GIMAP8: variants seen among roughly 807,000 people sequenced by gnomAD.
GIMAP8 encodes GTPase, IMAP family member 8.
A neutral mutation model predicts 35.6 loss-of-function variants in GIMAP8; 29 were observed. The ratio of observed to expected loss-of-function variants is 0.81; its 90% CI spans 0.61 to 1.11. The LOEUF (loss-of-function observed/expected upper bound fraction) is 1.11, where lower values mean the gene tolerates loss of function less well. GIMAP8 is among the 50% of genes most tolerant of loss of function. The pLI is 0.00. For missense variants in GIMAP8, 811 were observed against 805.0 expected (o/e 1.01, Z -0.09); for synonymous variants, 335 against 308.7 (o/e 1.09, Z -0.89).
In GIMAP8 at chr7:150,474,183, GCTT is replaced by G; in HGVS notation, c.858_860del (p.Phe286del). On this transcript the variant is annotated inframe_deletion, in exon 4 of 5. Transcript: ENST00000307271. ...TTTAGTGAGCAGTCAGTAACCCAGA[GCTT>G]CTTGTCTGAGAGCAGAAGCTGGAGA... is the stretch of plus-strand genomic sequence containing the variant. The G allele has an allele frequency of 1.2e-6, 2 of 1,614,208 alleles. No individual in the cohort carries two copies. The highest frequency in any genetic ancestry group is 1.1e-5 in the South Asian group (1 of 91,086).
intron 1 of GIMAP8, among the ~76,000 whole-genome samples, chr7:150,463,359 A>T (rs377756348): frequency 1.3e-5 from 2 of 151,568 alleles, no homozygotes; most frequent in East Asian, 3.9e-4. Context: ...TTTCTTTGGG[A>T]TCTGTTACTA....
chr7:150,456,004 A>T (rs1801723001), intron 1 of GIMAP8, among the ~76,000 whole-genome samples: 1 of 152,124 alleles, frequency 6.6e-6, no homozygotes. Context: ...CAGATATCAC[A>T]CTTCAATCCC....
chr7:150,473,348 A>G (rs764767568), intron 3 of GIMAP8, among the ~76,000 whole-genome samples: 1 of 151,904 alleles, frequency 6.6e-6, no homozygotes, highest in Non-Finnish European at 1.5e-5. Flanking sequence ...CTTTTTCTAT[A>G]TCTATACATA....
chr7:150,457,716 A>T (rs1006601633), intron 1 of GIMAP8, among the ~76,000 whole-genome samples: 1 of 152,334 alleles, frequency 6.6e-6, no homozygotes, highest in Middle Eastern at 3.4e-3. Flanking sequence ...CAAGCACATG[A>T]AAAAATGTAA....
chr7:150,464,585 G>A (rs1216057526), intron 1 of GIMAP8, among the ~76,000 whole-genome samples: 4 of 152,110 alleles, frequency 2.6e-5, no homozygotes, highest in African/African-American at 7.2e-5. Flanking sequence ...TCTGGAGGTC[G>A]AGGCAGGAGA....
Position 150,466,846 on chromosome 7 carries a change from C to G in GIMAP8, c.148C>G (p.Gln50Glu). Reference sequence around the variant, plus strand: ...TGATCAGACAGTGATCAAAATGTGCCAGAGAGAGAGTTGGGTCCTGAGAGA... The same window carrying G: ...TGATCAGACAGTGATCAAAATGTGCGAGAGAGAGAGTTGGGTCCTGAGAGA... ...FSDQTVIKMC[Q>E]RESWVLRERK... The change falls in exon 2 of 5, where the codon CAG (glutamine) becomes GAG (glutamate). Residue 50 changes from glutamine (Q) to glutamate (E), a missense_variant. Physicochemically the swap from Gln to Glu is conservative, Grantham distance 29. Transcript: ENST00000307271. 4.3e-6 allele frequency: 7 copies of G among 1,614,228 alleles called. No homozygotes were observed. The highest frequency in any genetic ancestry group is 5.9e-6 in the Non-Finnish European group (7 of 1,180,038).
At chr7:150,453,768 A>G (rs1801670595) in intron 1 of GIMAP8, among the ~76,000 whole-genome samples, 2 of 149,394 alleles carry the variant, frequency 1.3e-5, no homozygotes, top group Non-Finnish European at 3.0e-5. Context: ...CTAAATGCAG[A>G]TGTGAAGGGT....
chr7:150,475,373 A>G (rs1802205977), intron 4 of GIMAP8, among the ~76,000 whole-genome samples: 1 of 152,234 alleles, frequency 6.6e-6, no homozygotes, highest in Non-Finnish European at 1.5e-5. Flanking sequence ...TTGCTTCTCA[A>G]ATTGTACTGA....
rs77831689 is a variant in GIMAP8, at chr7:150,465,784, A to G, written c.-28-887A>G. On this transcript the variant is annotated intron_variant, in intron 1 of 4. Coordinates refer to ENST00000307271, the MANE Select transcript of GIMAP8 (RefSeq NM_175571.4). ...GAAGCCTTTGCAGGGAGAATATTAA[A>G]TCCAAGCAGCACTATCTATATACTG... Among the ~76,000 whole-genome samples the G allele has an allele frequency of 5.4e-3, 824 of 152,330 alleles. 5 individuals carry two copies. The highest frequency in any genetic ancestry group is 0.017 in the African/African-American group (722 of 41,574).
Position 150,477,662 on chromosome 7 carries a change from A to G in GIMAP8, c.1880A>G (p.Glu627Gly), listed in dbSNP as rs1044040794. 3 of 1,614,242 alleles carry G rather than the reference A, an allele frequency of 1.9e-6. No individual in the cohort carries two copies. The highest frequency in any genetic ancestry group is 2.5e-6 in the Non-Finnish European group (3 of 1,180,052). ...ACAAAGGTCAATGATCTGAGAAAAG[A>G]AAGTGGGTGGTCCGGGTATCCCCAT... ...LLTKVNDLRK[E>G]SGWSGYPHTQ... The change falls in exon 5 of 5, where the codon GAA becomes GGA. Residue 627 changes from glutamate (E) to glycine (G), a missense_variant. Physicochemically the swap from Glu to Gly is moderately conservative, Grantham distance 98. Coordinates refer to ENST00000307271, the MANE Select transcript of GIMAP8 (RefSeq NM_175571.4).
At chr7:150,467,766 C>T (rs1413215267) in intron 2 of GIMAP8, among the ~76,000 whole-genome samples, 1 of 152,152 alleles carries the variant, frequency 6.6e-6, no homozygotes, top group Non-Finnish European at 1.5e-5. Flanking sequence ...TGGCCTTCCT[C>T]AATTCTTTGT....
intron 1 of GIMAP8, among the ~76,000 whole-genome samples, chr7:150,452,688 A>ATG (rs1801642427): frequency 9.7e-6 from 1 of 102,956 alleles, no homozygotes; most frequent in African/African-American, 3.6e-5. Flanking sequence ...ATATATATAT[A>ATG]TATATATATA....
Position 150,472,461 on chromosome 7 carries a change from GA to G in GIMAP8, c.683-1549del, listed in dbSNP as rs1802113296. On this transcript the variant is annotated intron_variant, in intron 3 of 4. Coordinates refer to ENST00000307271, the MANE Select transcript of GIMAP8 (RefSeq NM_175571.4). The surrounding 1 kb of genome is among the most constrained non-coding windows in gnomAD (Gnocchi z 4.1). ...CGATTGCAGAGTGGTTGTGGTTGTG[GA>G]AGACTCGTGTCTGATTTTCTGTAAT... Among the ~76,000 whole-genome samples, 1 of 152,130 alleles carries G rather than the reference GA, an allele frequency of 6.6e-6. No homozygotes were observed. The highest frequency in any genetic ancestry group is 1.5e-5 in the Non-Finnish European group (1 of 68,020).
chr7:150,476,028 G>A (rs906439496), intron 4 of GIMAP8, among the ~76,000 whole-genome samples: 12 of 152,252 alleles, frequency 7.9e-5, no homozygotes, highest in South Asian at 6.2e-4. Context: ...GAGTGGGGCC[G>A]GATTTCAGAG....
rs188585878 is a variant in GIMAP8, at chr7:150,476,027, C to T, written c.1310-1065C>T. Among the ~76,000 whole-genome samples the T allele has an allele frequency of 4.4e-3, 671 of 152,124 alleles. 1 individual carries two copies. The highest frequency in any genetic ancestry group is 7.3e-3 in the Non-Finnish European group (496 of 67,976). On this transcript the variant is annotated intron_variant, in intron 4 of 4. Transcript: ENST00000307271. ...GAGAATATGGGATGGGGAGTGGGGC[C>T]GGATTTCAGAGGTACATGAGAAACA... is the stretch of plus-strand genomic sequence containing the variant.
In GIMAP8 at chr7:150,477,377, T is replaced by A; in HGVS notation, c.1595T>A (p.Phe532Tyr). 1 of 1,614,178 alleles carries A rather than the reference T, an allele frequency of 6.2e-7. No individual in the cohort carries two copies. Among genetic ancestry groups the A allele is most frequent in the Non-Finnish European group, 8.5e-7 (1 of 1,180,036 alleles). The stretch of plus-strand genomic sequence containing the variant: ...GGGGACACATTTTTTGTCCTGGTGT[T>A]CCAGCTGGGACGATTCACTGAAGAG... ...EKGDTFFVLV[F>Y]QLGRFTEEDK... The change falls in exon 5 of 5, where the codon TTC becomes TAC. Residue 532 changes from phenylalanine to tyrosine, a missense_variant. Phe to Tyr is a conservative substitution (Grantham distance 22, BLOSUM62 3). Transcript: ENST00000307271.
At chr7:150,464,184 TA>T (rs1353430896) in intron 1 of GIMAP8, among the ~76,000 whole-genome samples, 1 of 152,144 alleles carries the variant, frequency 6.6e-6, no homozygotes, top group African/African-American at 2.4e-5. Flanking sequence ...ATAAGTATGA[TA>T]AAAAGGAAAA....
rs1801610118 is a variant in GIMAP8 at position 150,451,604 on chromosome 7, A to T, written c.-29+429A>T. ...GGGCTGAGACTGGCAGAAGGGAGGA[A>T]GAAGCAGGCGGAAGCAGCCGGTCAG... On this transcript the variant is annotated intron_variant, in intron 1 of 4. Coordinates refer to ENST00000307271, the MANE Select transcript of GIMAP8 (RefSeq NM_175571.4). The surrounding 1 kb of genome is among the most constrained non-coding windows in gnomAD (Gnocchi z 4.1). Among the ~76,000 whole-genome samples the T allele has an allele frequency of 6.6e-6, 1 of 152,156 alleles. No individual in the cohort carries two copies. Among genetic ancestry groups the T allele is most frequent in the Admixed American group, 6.5e-5 (1 of 15,284 alleles).
chr7:150,462,663 C>T (rs1563282184), intron 1 of GIMAP8, among the ~76,000 whole-genome samples: 1 of 152,146 alleles, frequency 6.6e-6, no homozygotes, highest in Non-Finnish European at 1.5e-5. Flanking sequence ...TATATCATCC[C>T]ATTCTCTCCT....
Sources: gnomAD v4.1 joint callset for allele counts (sites outside exome capture counted in the v4.1 genomes callset) on GRCh38, gnomAD v4.1.1 for gene constraint, Gnocchi (gnomAD v3.1) non-coding constraint, MANE v1.5 for transcripts, NCBI Gene and HGNC (gene_info 2026-07-23, HGNC 2026-07-21) for gene names.